Variants in TRAPPC8 observed in about 807,000 individuals in gnomAD.
TRAPPC8 encodes general sporulation gene 1 homolog.
A neutral mutation model predicts 174.3 loss-of-function variants in TRAPPC8; 54 were observed. That is an observed-to-expected ratio of 0.31 (90% CI 0.25 to 0.39). The LOEUF is 0.39. TRAPPC8 is among the 10% of genes least tolerant of loss of function. The pLI, the probability that TRAPPC8 is intolerant of heterozygous loss-of-function variation, is 1.00. For synonymous variants in TRAPPC8, 630 were observed against 579.9 expected (o/e 1.09, Z -1.24); for missense variants, 1,531 against 1,699.1 (o/e 0.90, Z 1.74).
intron 26 of TRAPPC8, among the ~76,000 whole-genome samples, chr18:31,843,647 C>CAGCATTCTT (rs1307961038): frequency 6.6e-6 from 1 of 152,130 alleles, no homozygotes; most frequent in African/African-American, 2.4e-5. Context: ...TTTGGTAACT[C>CAGCATTCTT]AGCATTCTTT....
intron 12 of TRAPPC8, among the ~76,000 whole-genome samples, chr18:31,880,111 A>G (rs1346350759): frequency 1.1e-5 from 1 of 90,382 alleles, no homozygotes; most frequent in African/African-American, 4.5e-5. Context: ...ATATATATAT[A>G]TATATATATA....
intron 12 of TRAPPC8, among the ~76,000 whole-genome samples, chr18:31,890,416 C>T (rs546212391): frequency 1.3e-5 from 2 of 152,260 alleles, no homozygotes; most frequent in South Asian, 2.1e-4. Context: ...AGGGAGAATG[C>T]ATTCCTGCTT....
At chr18:31,861,664 C>T (rs1306520480) in intron 19 of TRAPPC8, among the ~76,000 whole-genome samples, 5 of 151,966 alleles carry the variant, frequency 3.3e-5, no homozygotes, top group Non-Finnish European at 7.4e-5. Context: ...GTGCTGGGCA[C>T]GGTTGCTCAT....
rs369916963 is a variant in TRAPPC8 at position 31,829,612 on chromosome 18, G to C, written c.*1143C>G. 1 of 152,216 alleles carries C rather than the reference G, an allele frequency of 6.6e-6. No individual in the cohort carries two copies. The highest frequency in any genetic ancestry group is 2.4e-5 in the African/African-American group (1 of 41,438). The allele number at this position is 152,216 out of a possible 1,614,324, so 9.4% of individuals were successfully genotyped here. A position where few individuals can be genotyped will look rare whatever the true frequency, so the allele number is the denominator to read the frequency against. ...TTGGAATCTTCAGTCTGAAAACGGG[G>C]TCTTTTGATCTCTCCCCACTTTGGT... On this transcript the variant is annotated 3_prime_UTR_variant, in exon 29 of 29. Coordinates refer to ENST00000283351, the MANE Select transcript of TRAPPC8 (RefSeq NM_014939.5).
chr18:31,846,869 A>G, intron 25 of TRAPPC8, 52 bp from the exon 26 acceptor site: 1 of 1,323,702 alleles, frequency 7.6e-7, no homozygotes, highest in Non-Finnish European at 1.1e-6. Context: ...TAACCTCTAA[A>G]GTAACCAACC....
chr18:31,865,607 CAT>C (rs879450612), intron 18 of TRAPPC8, among the ~76,000 whole-genome samples: 3 of 151,836 alleles, frequency 2.0e-5, no homozygotes, highest in African/African-American at 7.2e-5. Context: ...TATACAATAA[CAT>C]ATAAAGTATT....
chr18:31,869,523 A>ATCT (rs2034740024), intron 16 of TRAPPC8, among the ~76,000 whole-genome samples: 1 of 152,152 alleles, frequency 6.6e-6, no homozygotes, highest in Non-Finnish European at 1.5e-5. Context: ...ATGCCCTGGA[A>ATCT]TCTTCCCCAC....
At chr18:31,874,824 G>A (rs2035064592) in intron 12 of TRAPPC8, 120 bp from the exon 13 acceptor site, 3 of 727,878 alleles carry the variant, frequency 4.1e-6, no homozygotes, top group African/African-American at 1.8e-5. Context: ...AGGGGGACTG[G>A]GATAATGAAG....
intron 12 of TRAPPC8, among the ~76,000 whole-genome samples, chr18:31,889,602 GA>G (rs2035869496): frequency 6.7e-6 from 1 of 149,592 alleles, no homozygotes; most frequent in Non-Finnish European, 1.5e-5. Flanking sequence ...GAAAAGCCAT[GA>G]AAAGTAGTAA....
chr18:31,915,098 G>C (rs1412257583), intron 4 of TRAPPC8, among the ~76,000 whole-genome samples: 1 of 152,302 alleles, frequency 6.6e-6, no homozygotes, highest in African/African-American at 2.4e-5. Flanking sequence ...ATGATCTACA[G>C]TTGTGAAATG....
At chr18:31,877,883 A>G (rs1224927799) in intron 12 of TRAPPC8, among the ~76,000 whole-genome samples, 3 of 149,924 alleles carry the variant, frequency 2.0e-5, no homozygotes, top group African/African-American at 7.4e-5. Context: ...AGATCGCACC[A>G]TTGCACTCCA....
At chr18:31,877,837 C>T (rs1206207976) in intron 12 of TRAPPC8, among the ~76,000 whole-genome samples, 1 of 151,086 alleles carries the variant, frequency 6.6e-6, no homozygotes, top group Non-Finnish European at 1.5e-5. Flanking sequence ...GCAGGAGAAT[C>T]GCTTGAATCC....
intron 2 of TRAPPC8, among the ~76,000 whole-genome samples, chr18:31,930,962 C>A (rs1195815273): frequency 6.6e-6 from 1 of 152,084 alleles, no homozygotes; most frequent in Non-Finnish European, 1.5e-5. Context: ...TAAAGACGTA[C>A]TCACAACAGA....
chr18:31,846,723 T>C lies in TRAPPC8; in HGVS notation c.3830A>G (p.Gln1277Arg). 3 of 1,608,724 alleles carry C rather than the reference T, an allele frequency of 1.9e-6. No homozygotes were observed. The highest frequency in any genetic ancestry group is 2.5e-6 in the Non-Finnish European group (3 of 1,176,552). The change falls in exon 26 of 29, where the codon CAG becomes CGG. Residue 1277 changes from glutamine to arginine, a missense_variant. Gln to Arg is a conservative substitution (Grantham distance 43, BLOSUM62 1). Coordinates refer to ENST00000283351, the MANE Select transcript of TRAPPC8 (RefSeq NM_014939.5). Reference protein sequence around the residue: ...TIGKEAFSYPQKQEPPEMELL... With the variant: ...TIGKEAFSYPRKQEPPEMELL... ...AGCAAACTATGTTATCACCTGTTTC[T>C]GAGGATATGAAAAGGCTTCTTTTCC...
chr18:31,913,258 A>G, intron 5 of TRAPPC8, 111 bp downstream of exon 5: 1 of 1,256,292 alleles, frequency 8.0e-7, no homozygotes, highest in African/African-American at 1.5e-5. Context: ...CTGACAGATC[A>G]AAACTGACCA....
intron 12 of TRAPPC8, among the ~76,000 whole-genome samples, chr18:31,881,021 C>T (rs753706655): frequency 2.0e-5 from 3 of 152,034 alleles, no homozygotes; most frequent in East Asian, 3.9e-4. Flanking sequence ...AAAAAACCCA[C>T]GCTCACAGAT....
At chr18:31,893,040 A>AC (rs1568101917) in intron 11 of TRAPPC8, among the ~76,000 whole-genome samples, 2 of 151,710 alleles carry the variant, frequency 1.3e-5, no homozygotes, top group Non-Finnish European at 2.9e-5. Flanking sequence ...AAAAAAAAAA[A>AC]ACAACATCTT....
intron 24 of TRAPPC8, among the ~76,000 whole-genome samples, chr18:31,850,077 C>T (rs1260193660): frequency 1.3e-5 from 2 of 151,988 alleles, no homozygotes; most frequent in African/African-American, 4.8e-5. Context: ...CTCAGCCTTC[C>T]GAGTAGCTAG....
At chr18:31,922,080 G>A (rs934017207) in intron 2 of TRAPPC8, among the ~76,000 whole-genome samples, 1 of 152,024 alleles carries the variant, frequency 6.6e-6, no homozygotes, top group Non-Finnish European at 1.5e-5. Flanking sequence ...TTTTTATTGT[G>A]TTTTAAGTAA....
Sources: allele counts gnomAD v4.1 joint callset (sites outside exome capture counted in the v4.1 genomes callset), GRCh38; gene constraint gnomAD v4.1.1; transcripts MANE v1.5; gene names NCBI Gene and HGNC (gene_info 2026-07-23, HGNC 2026-07-21).